SGCD: variants seen among roughly 807,000 people sequenced by gnomAD.
SGCD encodes delta-sarcoglycan.
In SGCD, 18 loss-of-function variants were observed where a neutral mutation model predicts 36.6. The ratio of observed to expected loss-of-function variants is 0.49; its 90% CI spans 0.34 to 0.73. The LOEUF (loss-of-function observed/expected upper bound fraction) is 0.73, where lower values mean the gene tolerates loss of function less well. Among genes scored for constraint, SGCD ranks in the 30% least tolerant of loss-of-function variants. The pLI, the probability that SGCD is intolerant of heterozygous loss-of-function variation, is 0.01. For missense variants in SGCD, 387 were observed against 346.7 expected (o/e 1.12, Z -0.92); for synonymous variants, 133 against 130.6 (o/e 1.02, Z -0.12).
chr5:156,468,379 T>C (rs1191560834), intron 3 of SGCD, among the ~76,000 whole-genome samples: 1 of 151,346 alleles, frequency 6.6e-6, no homozygotes, highest in African/African-American at 2.4e-5. Flanking sequence ...AAATTGTTTA[T>C]GGCCACTAAG....
chr5:156,183,434 G>T (rs1763656198), intron 3 of SGCD, among the ~76,000 whole-genome samples: 6 of 152,066 alleles, frequency 3.9e-5, no homozygotes, highest in Admixed American at 3.9e-4. Context: ...TTGAGACAGA[G>T]TCTTGCTTTG....
the SGCD span, among the ~76,000 whole-genome samples, chr5:155,856,243 GAGTTAT>G: frequency 3.9e-5 from 6 of 152,072 alleles, no homozygotes; most frequent in Non-Finnish European, 7.4e-5. Flanking sequence ...ACACTACCAT[GAGTTAT>G]AGTTAATAAG....
chr5:156,366,073 T>C (rs1237741253), intron 3 of SGCD, among the ~76,000 whole-genome samples: 1 of 152,204 alleles, frequency 6.6e-6, no homozygotes, highest in Non-Finnish European at 1.5e-5. Context: ...ACAAAAGCCT[T>C]CCTGACAAAA....
intron 7 of SGCD, among the ~76,000 whole-genome samples, chr5:156,650,700 G>C (rs1045366936): frequency 6.6e-6 from 1 of 152,076 alleles, no homozygotes; most frequent in Non-Finnish European, 1.5e-5. Context: ...GTGTTCTATG[G>C]TATATATGTA....
chr5:156,615,576 G>A (rs146665925), intron 6 of SGCD, among the ~76,000 whole-genome samples: 1 of 152,116 alleles, frequency 6.6e-6, no homozygotes, highest in African/African-American at 2.4e-5. Context: ...AGTGAAAGGG[G>A]TGGGAGTGTT....
At chr5:155,791,464 A>C in the SGCD span, among the ~76,000 whole-genome samples, 1 of 152,166 alleles carries the variant, frequency 6.6e-6, no homozygotes, top group African/African-American at 2.4e-5. Context: ...AAAAGAAGTC[A>C]AACTATCTCT....
intron 3 of SGCD, among the ~76,000 whole-genome samples, chr5:156,196,942 T>G (rs1176626870): frequency 6.6e-6 from 1 of 152,192 alleles, no homozygotes; most frequent in Non-Finnish European, 1.5e-5. Flanking sequence ...ACATATGGAC[T>G]ATGCAGTTCT....
the SGCD span, among the ~76,000 whole-genome samples, chr5:155,733,013 CGTT>C: frequency 1.4e-5 from 1 of 71,228 alleles, no homozygotes; most frequent in Non-Finnish European, 2.7e-5. Context: ...TTGTTATACT[CGTT>C]TTTTTTTTTT....
intron 4 of SGCD, among the ~76,000 whole-genome samples, chr5:156,567,862 A>G (rs1047401827): frequency 1.3e-5 from 2 of 152,210 alleles, no homozygotes; most frequent in African/African-American, 4.8e-5. Flanking sequence ...GGATGATGAC[A>G]GTGATATGAT....
intron 4 of SGCD, among the ~76,000 whole-genome samples, chr5:156,574,138 G>A (rs1400700942): frequency 2.0e-5 from 3 of 152,154 alleles, no homozygotes; most frequent in Non-Finnish European, 4.4e-5. Context: ...TTTATAGGTG[G>A]GGAAATGGAG....
At chr5:155,855,500 T>A in the SGCD span, among the ~76,000 whole-genome samples, 1 of 152,170 alleles carries the variant, frequency 6.6e-6, no homozygotes, top group Non-Finnish European at 1.5e-5. Flanking sequence ...TCTGGAGGAA[T>A]CCAAACTAAG....
the SGCD span, among the ~76,000 whole-genome samples, chr5:155,740,738 A>C: frequency 6.6e-6 from 1 of 152,250 alleles, no homozygotes; most frequent in South Asian, 2.1e-4. Context: ...TAAAAAATAC[A>C]TCACTGGTTG....
At chr5:156,606,926 C>A (rs575338854) in intron 6 of SGCD, among the ~76,000 whole-genome samples, 67 of 152,306 alleles carry the variant, frequency 4.4e-4, no homozygotes, top group Non-Finnish European at 6.8e-4. Flanking sequence ...ATTTGCCTAT[C>A]AGCTTAAGGA....
At chr5:156,121,782 T>A (rs1259580314) in intron 2 of SGCD, among the ~76,000 whole-genome samples, 1 of 152,194 alleles carries the variant, frequency 6.6e-6, no homozygotes, top group African/African-American at 2.4e-5. Flanking sequence ...TGGATTCCTT[T>A]ACTTCATACT....
At chr5:156,151,296 C>G (rs528275027) in intron 3 of SGCD, among the ~76,000 whole-genome samples, 6 of 151,596 alleles carry the variant, frequency 4.0e-5, no homozygotes, top group Admixed American at 1.3e-4. Flanking sequence ...AATAGTCAGG[C>G]CTTTCTTTTT....
chr5:156,608,740 C>T (rs1338618133), intron 6 of SGCD, among the ~76,000 whole-genome samples: 1 of 152,124 alleles, frequency 6.6e-6, no homozygotes, highest in Non-Finnish European at 1.5e-5. Context: ...GTATTGGGTG[C>T]CTATATATTT....
At chr5:156,475,488 A>C (rs1755140197) in intron 3 of SGCD, among the ~76,000 whole-genome samples, 1 of 152,208 alleles carries the variant, frequency 6.6e-6, no homozygotes, top group South Asian at 2.1e-4. Flanking sequence ...AGCACAGTGC[A>C]TCTCTTATTT....
the SGCD span, among the ~76,000 whole-genome samples, chr5:155,729,349 C>G: frequency 6.6e-6 from 1 of 152,244 alleles, no homozygotes; most frequent in East Asian, 1.9e-4. Context: ...GTGGGCAGAC[C>G]TAGCCCTTAG....
intron 3 of SGCD, among the ~76,000 whole-genome samples, chr5:156,444,064 TTCTCTCTCTCTCTCTCTCTCTCTC>T (rs535098783): frequency 2.6e-3 from 89 of 34,502 alleles, no homozygotes; most frequent in Middle Eastern, 0.038. Flanking sequence ...CTTTCTCTCC[TTCTCTCTCTCTCTCTCTCTCTCTC>T]TCTCTCTCTC....
Sources: allele counts gnomAD v4.1 joint callset (sites outside exome capture counted in the v4.1 genomes callset), GRCh38; gene constraint gnomAD v4.1.1; transcripts MANE v1.5; gene names NCBI Gene and HGNC (gene_info 2026-07-23, HGNC 2026-07-21).